The following RUNX1T1 variants were observed in gnomAD, a reference collection of about 807,000 sequenced individuals.
RUNX1T1 encodes protein CBFA2T1.
RUNX1T1 carries 4 observed loss-of-function variants against 62.8 expected under a neutral mutation model. The ratio of observed to expected loss-of-function variants is 0.06; its 90% CI spans 0.03 to 0.15. The LOEUF is 0.15. RUNX1T1 is among the 10% of genes least tolerant of loss of function. The pLI is 1.00. For missense variants in RUNX1T1, 508 were observed against 754.3 expected, an observed-to-expected ratio of 0.67 and a Z score of 3.82; for synonymous variants, 291 against 286.0, an observed-to-expected ratio of 1.02 and a Z score of -0.18.
chr8:91,965,884 C>T (rs1811493977), intron 10 of RUNX1T1, among the ~76,000 whole-genome samples: 1 of 152,018 alleles, frequency 6.6e-6, no homozygotes, highest in African/African-American at 2.4e-5. Flanking sequence ...TACATAGACA[C>T]ACTGCTCATT....
chr8:92,046,215 C>A (rs1324416870), intron 1 of RUNX1T1, among the ~76,000 whole-genome samples: 2 of 152,118 alleles, frequency 1.3e-5, no homozygotes, highest in African/African-American at 4.8e-5. Flanking sequence ...CAGCTTAACT[C>A]ACTGCAGGGG....
At chr8:92,032,067 T>TG (rs1393536938) in intron 1 of RUNX1T1, among the ~76,000 whole-genome samples, 1 of 117,678 alleles carries the variant, frequency 8.5e-6, no homozygotes, top group Non-Finnish European at 1.6e-5. Flanking sequence ...CACTCCAGCC[T>TG]GGGCGGCAGA....
intron 1 of RUNX1T1, among the ~76,000 whole-genome samples, chr8:92,043,319 G>T (rs1412776739): frequency 6.6e-6 from 1 of 152,038 alleles, no homozygotes; most frequent in Non-Finnish European, 1.5e-5. Flanking sequence ...AATTAAGTTT[G>T]TGAAATCCCT....
At chr8:92,079,483 C>T (rs970704673) in intron 1 of RUNX1T1, among the ~76,000 whole-genome samples, 20 of 152,266 alleles carry the variant, frequency 1.3e-4, no homozygotes, top group Middle Eastern at 6.8e-3. Context: ...ACCATCTATG[C>T]CTCACTTCAG....
At chr8:92,028,640 C>T (rs915732307) in intron 1 of RUNX1T1, among the ~76,000 whole-genome samples, 1 of 152,118 alleles carries the variant, frequency 6.6e-6, no homozygotes, top group East Asian at 1.9e-4. Flanking sequence ...AATAAGGGTC[C>T]TTGTTTAACA....
At chr8:91,985,334 G>T (rs543071253) in intron 8 of RUNX1T1, among the ~76,000 whole-genome samples, 2 of 152,206 alleles carry the variant, frequency 1.3e-5, no homozygotes, top group South Asian at 4.1e-4. Context: ...ATTCTTTCAG[G>T]TTGAAGATTT....
downstream of RUNX1T1, chr8:91,957,556 C>T (rs1341567188): frequency 2.6e-5 from 6 of 231,322 alleles, no homozygotes; most frequent in Non-Finnish European, 5.1e-5. Flanking sequence ...AGTAATGAGA[C>T]GTACTGTACT....
chr8:92,013,679 A>G (rs556389497), intron 3 of RUNX1T1, among the ~76,000 whole-genome samples: 27 of 152,254 alleles, frequency 1.8e-4, no homozygotes, highest in African/African-American at 6.5e-4. Flanking sequence ...AAATCACAAC[A>G]CATGGAAAAG....
rs532630536 is a variant in RUNX1T1 at position 92,056,335 on chromosome 8, T to A, written c.7+6211A>T. Among the ~76,000 whole-genome samples, 5 of 152,286 alleles carry A rather than the reference T, an allele frequency of 3.3e-5. No individual in the cohort carries two copies. The East Asian group carries it at 5.8e-4, about 18-fold the overall frequency. ...CACATGATAAAGACACCCTCCTACA[T>A]CCCTTCTTCCTAAAAAGCATTTCAC... On this transcript the variant is annotated intron_variant, in intron 1 of 10. Transcript: ENST00000396218.
At chr8:92,029,243 ACT>A (rs1253733177) in intron 1 of RUNX1T1, among the ~76,000 whole-genome samples, 3 of 152,238 alleles carry the variant, frequency 2.0e-5, no homozygotes, top group Admixed American at 6.5e-5. Flanking sequence ...ATGAAAAGGC[ACT>A]GAGATTTTAG....
intron 2 of RUNX1T1, among the ~76,000 whole-genome samples, chr8:92,015,574 A>C (rs571470014): frequency 6.6e-6 from 1 of 152,322 alleles, no homozygotes; most frequent in Middle Eastern, 3.4e-3. Context: ...GTAACCCATT[A>C]ATATGTACAT....
At chr8:92,003,782 T>C (rs1195158883) in intron 5 of RUNX1T1, among the ~76,000 whole-genome samples, 1 of 152,238 alleles carries the variant, frequency 6.6e-6, no homozygotes, top group Non-Finnish European at 1.5e-5. Context: ...CAGTTCCCTT[T>C]AAAAGCTAAA....
At chr8:91,970,899 G>A (rs761441099) in intron 9 of RUNX1T1, 51 bp from the exon 11 acceptor site, 6 of 1,424,098 alleles carry the variant, frequency 4.2e-6, no homozygotes, top group Non-Finnish European at 4.7e-6. Flanking sequence ...TCAGTTAGCC[G>A]AAGTCATTGG....
chr8:92,019,408 G>A (rs936018513), intron 1 of RUNX1T1, among the ~76,000 whole-genome samples: 1 of 151,942 alleles, frequency 6.6e-6, no homozygotes, highest in Admixed American at 6.6e-5. Context: ...GACAGAGAAA[G>A]GAAGAGCAGG....
intron 6 of RUNX1T1, 51 bp from the exon 8 acceptor site, chr8:91,987,023 C>G: frequency 8.7e-7 from 1 of 1,151,370 alleles, no homozygotes; most frequent in Non-Finnish European, 1.3e-6. Context: ...GTACACAACC[C>G]ATAAACACAC....
At chr8:92,013,644 C>T (rs1176528625) in intron 3 of RUNX1T1, among the ~76,000 whole-genome samples, 1 of 152,118 alleles carries the variant, frequency 6.6e-6, no homozygotes. Context: ...TTCCTAAATA[C>T]TCGAAAATCC....
chr8:92,036,340 T>A (rs1391019317), intron 1 of RUNX1T1, among the ~76,000 whole-genome samples: 1 of 152,238 alleles, frequency 6.6e-6, no homozygotes, highest in Non-Finnish European at 1.5e-5. Flanking sequence ...GAAAGTGTTC[T>A]CAATTTTCTA....
intron 1 of RUNX1T1, among the ~76,000 whole-genome samples, chr8:92,098,578 CT>C (rs1173708104): frequency 3.9e-5 from 6 of 152,072 alleles, no homozygotes; most frequent in Non-Finnish European, 7.4e-5. Context: ...AGTTGTTTGT[CT>C]TTTTTTTAAT....
intron 4 of RUNX1T1, among the ~76,000 whole-genome samples, chr8:92,007,062 T>G (rs1490335092): frequency 2.0e-5 from 3 of 152,242 alleles, no homozygotes; most frequent in Admixed American, 6.5e-5. Context: ...TGTATATATT[T>G]TTTAAACTAT....
Sources: allele counts gnomAD v4.1 joint callset (sites outside exome capture counted in the v4.1 genomes callset), GRCh38; gene constraint gnomAD v4.1.1; transcripts MANE v1.5; gene names NCBI Gene and HGNC (gene_info 2026-07-23, HGNC 2026-07-21).